RBFOX1: variants seen among roughly 807,000 people sequenced by gnomAD.
RBFOX1 encodes the protein RNA binding protein fox-1 homolog 1.
A neutral mutation model predicts 57.7 loss-of-function variants in RBFOX1; 8 were observed. That is an observed-to-expected ratio of 0.14 (90% CI 0.08 to 0.25). The LOEUF (loss-of-function observed/expected upper bound fraction) is 0.25. Among genes scored for constraint, RBFOX1 ranks in the 10% least tolerant of loss-of-function variants. The pLI is 1.00. For missense variants in RBFOX1, 611 were observed against 548.5 expected, an observed-to-expected ratio of 1.11 and a Z score of -1.14; for synonymous variants, 326 against 222.4, an observed-to-expected ratio of 1.47 and a Z score of -4.15.
chr16:5,856,475 G>A (rs929759025), intron 3 of RBFOX1, among the ~76,000 whole-genome samples: 6 of 135,798 alleles, frequency 4.4e-5, no homozygotes, highest in Non-Finnish European at 7.8e-5. Context: ...GATCCTCAGA[G>A]CTTATCCTAC....
At chr16:6,043,198 G>A (rs191959079) in intron 1 of RBFOX1, among the ~76,000 whole-genome samples, 1 of 142,192 alleles carries the variant, frequency 7.0e-6, no homozygotes, top group Non-Finnish European at 1.5e-5. Flanking sequence ...ATCTTGTTAC[G>A]TAGGTTAAGC....
chr16:7,081,535 G>C (rs964351938), intron 4 of RBFOX1, among the ~76,000 whole-genome samples: 1 of 152,140 alleles, frequency 6.6e-6, no homozygotes, highest in African/African-American at 2.4e-5. Context: ...CTAATGATGG[G>C]AATGAGAGTA....
At chr16:6,946,092 A>C (rs1419713156) in intron 3 of RBFOX1, among the ~76,000 whole-genome samples, 1 of 152,234 alleles carries the variant, frequency 6.6e-6, no homozygotes, top group East Asian at 1.9e-4. Context: ...TTCAATGGGT[A>C]ACTCAGGATT....
In RBFOX1 at chr16:7,518,316, A is replaced by C. The variant is rs1358966343; in HGVS notation, c.197A>C (p.Tyr66Ser). 1.2e-6 allele frequency: 2 copies of C among 1,613,628 alleles called. No homozygotes were observed. The highest frequency in any genetic ancestry group is 1.7e-6 in the Non-Finnish European group (2 of 1,179,928). The change falls in exon 5 of 16, where the codon TAC (tyrosine) becomes TCC (serine). Residue 66 changes from tyrosine to serine, a missense_variant. Physicochemically the swap from Tyr to Ser is moderately radical, Grantham distance 144. Coordinates refer to ENST00000550418, the MANE Select transcript of RBFOX1 (RefSeq NM_018723.4). ...GTTCCCGAGCACACATTAAACCTGT[A>C]CCCTCCCGCCCAGACGCACTCCGAG... Reference protein sequence around the residue: ...TTVPEHTLNLYPPAQTHSEQS... With the variant: ...TTVPEHTLNLSPPAQTHSEQS...
chr16:6,638,619 G>C lies in RBFOX1; in HGVS notation c.-63-15984G>C, dbSNP rs142950977. Among the ~76,000 whole-genome samples, 12 of 152,214 alleles carry C rather than the reference G, an allele frequency of 7.9e-5. No individual in the cohort carries two copies. In the East Asian group the frequency reaches 2.3e-3, roughly 29 times the overall value. On this transcript the variant is annotated intron_variant, in intron 2 of 15. Coordinates refer to ENST00000550418, the MANE Select transcript of RBFOX1 (RefSeq NM_018723.4). Reference sequence around the variant, plus strand: ...GAATGAAGGTGTGTACACATAGATTGAACAAATTTTTTACACTAATTTATA... The same window carrying C: ...GAATGAAGGTGTGTACACATAGATTCAACAAATTTTTTACACTAATTTATA...
chr16:6,747,882 T>C (rs1232621008), intron 3 of RBFOX1, among the ~76,000 whole-genome samples: 7 of 152,172 alleles, frequency 4.6e-5, no homozygotes, highest in Non-Finnish European at 8.8e-5. Flanking sequence ...CCATACCTTA[T>C]GGCTTCACCA....
chr16:6,752,469 T>G (rs1245072084), intron 3 of RBFOX1, among the ~76,000 whole-genome samples: 1 of 152,204 alleles, frequency 6.6e-6, no homozygotes, highest in Non-Finnish European at 1.5e-5. Flanking sequence ...GAATATGACA[T>G]GCTCTGTCGC....
At chr16:7,470,400 G>T (rs1315096482) in intron 4 of RBFOX1, among the ~76,000 whole-genome samples, 4 of 152,210 alleles carry the variant, frequency 2.6e-5, no homozygotes, top group African/African-American at 9.6e-5. Context: ...TGAATGGATA[G>T]TTGGTTGGTT....
chr16:7,081,488 C>T (rs953337548), intron 4 of RBFOX1, among the ~76,000 whole-genome samples: 2 of 152,176 alleles, frequency 1.3e-5, no homozygotes, highest in African/African-American at 2.4e-5. Context: ...AGAAATTCAC[C>T]TCCCAAGGCT....
At chr16:7,335,398 C>A (rs573052836) in intron 4 of RBFOX1, among the ~76,000 whole-genome samples, 5 of 152,260 alleles carry the variant, frequency 3.3e-5, no homozygotes, top group African/African-American at 9.6e-5. Flanking sequence ...TTCTCTGTGA[C>A]TGGAGATGTT....
intron 3 of RBFOX1, among the ~76,000 whole-genome samples, chr16:5,692,693 C>T (rs17510488): frequency 0.58 from 87,921 of 151,960 alleles, 28,926 homozygotes; most frequent in Non-Finnish European, 0.75. Context: ...CTCAGTGCCT[C>T]ATCTAGTAGT....
intron 3 of RBFOX1, among the ~76,000 whole-genome samples, chr16:6,931,560 A>G (rs560703658): frequency 3.3e-5 from 5 of 152,228 alleles, no homozygotes; most frequent in South Asian, 2.1e-4. Flanking sequence ...GGCTTTGTCA[A>G]TTCACACTCT....
intron 3 of RBFOX1, among the ~76,000 whole-genome samples, chr16:5,634,683 G>C (rs1311720285): frequency 6.6e-6 from 1 of 152,148 alleles, no homozygotes. Context: ...AAGAGTTGCA[G>C]GAGGCAGCAA....
At chr16:7,438,811 GC>G (rs1369568437) in intron 4 of RBFOX1, among the ~76,000 whole-genome samples, 2 of 152,118 alleles carry the variant, frequency 1.3e-5, no homozygotes, top group African/African-American at 4.8e-5. Context: ...ATGGGCCCAG[GC>G]CCAACCTAGA....
intron 1 of RBFOX1, among the ~76,000 whole-genome samples, chr16:6,043,324 A>G (rs2095461236): frequency 6.6e-6 from 1 of 152,066 alleles, no homozygotes; most frequent in Non-Finnish European, 1.5e-5. Flanking sequence ...GGCTGCATTC[A>G]TGGAGGTTCT....
rs547357786 is a variant in RBFOX1, at chr16:5,947,593, G to C, written c.351+80258G>C. Among the ~76,000 whole-genome samples, 1 of 152,286 alleles carries C rather than the reference G, an allele frequency of 6.6e-6. No homozygotes were observed. The highest frequency in any genetic ancestry group is 2.4e-5 in the African/African-American group (1 of 41,562). ...ACATATCAGCCTCCCAAAGTGCTGGGATTACATGCATGATCCACCATGTCT... is the reference window on the plus strand; with the variant it reads ...ACATATCAGCCTCCCAAAGTGCTGGCATTACATGCATGATCCACCATGTCT... On this transcript the variant is annotated intron_variant, in intron 4 of 19. Coordinates refer to the RBFOX1 transcript ENST00000641259. This position sits in a 1 kb window ranked among gnomAD's most constrained non-coding sequence, Gnocchi z 7.2.
At chr16:6,066,980 A>C (rs2095773287) in intron 1 of RBFOX1, among the ~76,000 whole-genome samples, 1 of 152,110 alleles carries the variant, frequency 6.6e-6, no homozygotes, top group Non-Finnish European at 1.5e-5. Flanking sequence ...GGAGGGCGGC[A>C]GGGAGAAAGG....
At chr16:7,150,750 A>T (rs908736252) in intron 4 of RBFOX1, among the ~76,000 whole-genome samples, 1 of 152,240 alleles carries the variant, frequency 6.6e-6, no homozygotes, top group Non-Finnish European at 1.5e-5. Flanking sequence ...TGCAAAATAG[A>T]ATAGAACCAG....
chr16:5,429,369 G>T (rs1247972830), intron 1 of RBFOX1, among the ~76,000 whole-genome samples: 1 of 152,162 alleles, frequency 6.6e-6, no homozygotes, highest in Admixed American at 6.5e-5. Context: ...TCTCCCAGCC[G>T]TCAGAGGCTC....
Sources: allele counts gnomAD v4.1 joint callset (sites outside exome capture counted in the v4.1 genomes callset), GRCh38; gene constraint gnomAD v4.1.1; non-coding constraint Gnocchi (gnomAD v3.1); transcripts MANE v1.5; gene names NCBI Gene and HGNC (gene_info 2026-07-23, HGNC 2026-07-21).